Variants in ULK4 observed in about 807,000 individuals in gnomAD.
ULK4 encodes the protein inactive serine/threonine-protein kinase ULK4.
Under a neutral mutation model 160.6 loss-of-function variants are expected in ULK4, and 133 were observed. The ratio of observed to expected loss-of-function variants is 0.83; its 90% CI spans 0.72 to 0.96. The LOEUF is 0.96. Ranked by LOEUF, ULK4 falls within the 40% of genes least tolerant of loss-of-function variation. The probability of loss-of-function intolerance (pLI) is 0.00; values close to 1 mark genes in which losing one functional copy is unlikely to be tolerated. For missense variants in ULK4, 1,580 were observed against 1,499.5 expected (o/e 1.05, Z -0.89); for synonymous variants, 534 against 539.8 (o/e 0.99, Z 0.15).
At chr3:41,286,609 A>C (rs555153098) in intron 35 of ULK4, among the ~76,000 whole-genome samples, 17 of 152,284 alleles carry the variant, frequency 1.1e-4, no homozygotes, top group African/African-American at 3.6e-4. Context: ...CCAGCACCCT[A>C]AACTGCAGGC....
chr3:41,498,709 C>T (rs1364030566), intron 32 of ULK4, among the ~76,000 whole-genome samples: 1 of 152,060 alleles, frequency 6.6e-6, no homozygotes, highest in Non-Finnish European at 1.5e-5. Context: ...CATTCTCCTG[C>T]CTCAGCCTCC....
intron 34 of ULK4, among the ~76,000 whole-genome samples, chr3:41,439,443 C>T (rs1422133802): frequency 1.3e-5 from 2 of 152,146 alleles, no homozygotes; most frequent in Non-Finnish European, 2.9e-5. Flanking sequence ...AAAATGACCA[C>T]TAGGTGAATT....
chr3:41,939,163 CT>C (rs3044215), intron 2 of ULK4, among the ~76,000 whole-genome samples: 30 of 146,274 alleles, frequency 2.1e-4, no homozygotes, highest in African/African-American at 6.1e-4. Context: ...AATGATTACC[CT>C]TTTTTTTTTT....
At chr3:41,899,914 A>T (rs1267196725) in intron 13 of ULK4, among the ~76,000 whole-genome samples, 1 of 152,212 alleles carries the variant, frequency 6.6e-6, no homozygotes, top group Non-Finnish European at 1.5e-5. Flanking sequence ...AAGAACCTTC[A>T]TGGTCTAAAC....
At chr3:41,650,817 T>G (rs1332404092) in intron 30 of ULK4, among the ~76,000 whole-genome samples, 1 of 152,186 alleles carries the variant, frequency 6.6e-6, no homozygotes, top group Non-Finnish European at 1.5e-5. Flanking sequence ...CCAACAATAT[T>G]TTATTTATAA....
intron 32 of ULK4, among the ~76,000 whole-genome samples, chr3:41,484,152 C>G (rs1379305564): frequency 6.6e-6 from 1 of 152,192 alleles, no homozygotes; most frequent in African/African-American, 2.4e-5. Context: ...AGATGCACTT[C>G]TGAGTCAGCA....
chr3:41,638,793 G>A (rs1320034661), intron 30 of ULK4, among the ~76,000 whole-genome samples: 1 of 152,228 alleles, frequency 6.6e-6, no homozygotes, highest in African/African-American at 2.4e-5. Flanking sequence ...TGAATTAAGA[G>A]TCCATGTTTT....
intron 34 of ULK4, among the ~76,000 whole-genome samples, chr3:41,409,549 C>G (rs569285112): frequency 6.6e-6 from 1 of 152,074 alleles, no homozygotes; most frequent in South Asian, 2.1e-4. Flanking sequence ...AAAAATAATC[C>G]AATTTTTTAA....
chr3:41,918,567 TGAAA>T, intron 6 of ULK4, 27 bp from the exon 7 acceptor site: 1 of 1,214,834 alleles, frequency 8.2e-7, no homozygotes, highest in Non-Finnish European at 1.2e-6. Flanking sequence ...ACTTGCAAAA[TGAAA>T]GAAGTCTGCT....
chr3:41,657,611 A>G (rs970951693), intron 30 of ULK4, among the ~76,000 whole-genome samples: 2 of 151,960 alleles, frequency 1.3e-5, no homozygotes, highest in African/African-American at 2.4e-5. Context: ...TGAGGTTAGG[A>G]GTTCAAGACC....
At chr3:41,702,913 G>A (rs2036729613) in intron 27 of ULK4, among the ~76,000 whole-genome samples, 1 of 146,788 alleles carries the variant, frequency 6.8e-6, no homozygotes, top group Non-Finnish European at 1.5e-5. Flanking sequence ...GAGTGCAGCA[G>A]CACAACCTCA....
At chr3:41,579,286 T>C (rs1264153733) in intron 31 of ULK4, among the ~76,000 whole-genome samples, 1 of 151,666 alleles carries the variant, frequency 6.6e-6, no homozygotes, top group African/African-American at 2.4e-5. Context: ...TCAAAATGAG[T>C]GCTAAGAATG....
At chr3:41,631,106 A>G (rs552351618) in intron 30 of ULK4, among the ~76,000 whole-genome samples, 14 of 152,324 alleles carry the variant, frequency 9.2e-5, no homozygotes, top group South Asian at 4.1e-4. Context: ...CCTGAAAGCA[A>G]TAACATTTGT....
intron 35 of ULK4, among the ~76,000 whole-genome samples, chr3:41,373,067 T>C (rs1199221638): frequency 3.3e-5 from 5 of 152,024 alleles, no homozygotes; most frequent in African/African-American, 1.2e-4. Context: ...AGTAAAGGGA[T>C]CAATGCAACA....
intron 35 of ULK4, among the ~76,000 whole-genome samples, chr3:41,319,163 C>A (rs2125728472): frequency 6.6e-6 from 1 of 152,286 alleles, no homozygotes; most frequent in South Asian, 2.1e-4. Context: ...GAGGCTATGG[C>A]AACCTTTGGA....
chr3:41,931,765 C>T lies in ULK4; in HGVS notation c.541+79G>A, dbSNP rs1487804178. 116 of 1,510,724 alleles carry T rather than the reference C, an allele frequency of 7.7e-5. No individual in the cohort carries two copies. The East Asian group carries it at 2.6e-3, about 34-fold the overall frequency. The allele number at this position is 1,510,724 out of a possible 1,614,324, so 93.6% of individuals were successfully genotyped here. A position where few individuals can be genotyped will look rare whatever the true frequency, so the allele number is the denominator to read the frequency against. Reference sequence around the variant, plus strand: ...CTTATTTGAGTGGCAAAACAAAAGACTGACATTGTCTCCTAAACACAGGAC... The same window carrying T: ...CTTATTTGAGTGGCAAAACAAAAGATTGACATTGTCTCCTAAACACAGGAC... On this transcript the variant is annotated intron_variant, in intron 5 of 36. Coordinates refer to ENST00000301831, the MANE Select transcript of ULK4 (RefSeq NM_017886.4).
chr3:41,817,371 G>C (rs555622375), intron 19 of ULK4, among the ~76,000 whole-genome samples: 43 of 152,196 alleles, frequency 2.8e-4, no homozygotes, highest in African/African-American at 1.0e-3. Flanking sequence ...TCTTAGCTAA[G>C]AGATTAACAA....
chr3:41,354,006 A>C (rs1210760709), intron 35 of ULK4, among the ~76,000 whole-genome samples: 1 of 152,150 alleles, frequency 6.6e-6, no homozygotes, highest in Non-Finnish European at 1.5e-5. Context: ...GTGGGGCTCC[A>C]CTGTCCCATG....
At chr3:41,888,564 T>C (rs1043547935) in intron 16 of ULK4, among the ~76,000 whole-genome samples, 1 of 152,158 alleles carries the variant, frequency 6.6e-6, no homozygotes, top group Non-Finnish European at 1.5e-5. Context: ...CAAGGAACAA[T>C]TGTGTCCTTG....
Sources: allele counts gnomAD v4.1 joint callset (sites outside exome capture counted in the v4.1 genomes callset), GRCh38; gene constraint gnomAD v4.1.1; transcripts MANE v1.5; gene names NCBI Gene and HGNC (gene_info 2026-07-23, HGNC 2026-07-21).